Variants in HTR2B observed in about 807,000 individuals in gnomAD.
The protein encoded by HTR2B is 5-hydroxytryptamine receptor 2B, also known as 5-HT 2B receptor.
HTR2B carries 31 observed loss-of-function variants against 39.8 expected under a neutral mutation model. The observed-to-expected ratio is 0.78, with a 90% CI of 0.58 to 1.05. The LOEUF is 1.05. Ranked by LOEUF, HTR2B falls within the 50% of genes least tolerant of loss-of-function variation. The probability of loss-of-function intolerance (pLI) is 0.00; values close to 1 mark genes in which losing one functional copy is unlikely to be tolerated. For missense variants in HTR2B, 562 were observed against 578.0 expected, an observed-to-expected ratio of 0.97 and a Z score of 0.28; for synonymous variants, 210 against 207.1, an observed-to-expected ratio of 1.01 and a Z score of -0.12.
chr2:231,117,589 A>C (rs1363761943), intron 2 of HTR2B, among the ~76,000 whole-genome samples: 1 of 152,150 alleles, frequency 6.6e-6, no homozygotes, highest in Non-Finnish European at 1.5e-5. Context: ...TCAGTAGCAC[A>C]AATATTTTAT....
intron 2 of HTR2B, among the ~76,000 whole-genome samples, chr2:231,121,316 C>T (rs1163702800): frequency 6.6e-6 from 1 of 152,014 alleles, no homozygotes; most frequent in Non-Finnish European, 1.5e-5. Context: ...TCACTTGAAC[C>T]CAGGAGTTTG....
intron 3 of HTR2B, among the ~76,000 whole-genome samples, chr2:231,109,639 A>G (rs1695087726): frequency 6.6e-6 from 1 of 152,246 alleles, no homozygotes; most frequent in South Asian, 2.1e-4. Flanking sequence ...CAGATTTATA[A>G]TGAAAGCTCC....
chr2:231,123,964 A>G lies in HTR2B; in HGVS notation c.-200T>C. 2 of 575,318 alleles carry G rather than the reference A, an allele frequency of 3.5e-6. No homozygotes were observed. Among genetic ancestry groups the G allele is most frequent in the Non-Finnish European group, 6.2e-6 (2 of 322,462 alleles). 35.6% of individuals were successfully genotyped at this position (575,318 alleles called of 1,614,324 possible). On this transcript the variant is annotated 5_prime_UTR_variant, in exon 2 of 4. Coordinates refer to ENST00000258400, the MANE Select transcript of HTR2B (RefSeq NM_000867.5). ...ATCTGTCCATGTTTGTAGGTAAGAT[A>G]TCCAAGTATTTATTATTTTCTAGAG... is the stretch of plus-strand genomic sequence containing the variant.
At chr2:231,114,959 A>T (rs927517980) in intron 2 of HTR2B, among the ~76,000 whole-genome samples, 1 of 152,198 alleles carries the variant, frequency 6.6e-6, no homozygotes, top group African/African-American at 2.4e-5. Flanking sequence ...ATGTGAGATT[A>T]TCTAAGTCTC....
rs1457652676 is a variant in HTR2B at position 231,124,967 on chromosome 2, C to T, written c.-367+5G>A. Reference sequence around the variant, plus strand: ...TAATTCCATATGTGTTTATTAAATGCTTACCTCTGGTTTCGTTGTTATTTT... The same window carrying T: ...TAATTCCATATGTGTTTATTAAATGTTTACCTCTGGTTTCGTTGTTATTTT... On this transcript the variant is annotated splice_donor_5th_base_variant and intron_variant, in intron 1 of 3. Transcript: ENST00000258400. 2 of 151,914 alleles carry T rather than the reference C, an allele frequency of 1.3e-5. No homozygotes were observed. The highest frequency in any genetic ancestry group is 2.9e-5 in the Non-Finnish European group (2 of 67,986). The allele number at this position is 151,914 out of a possible 1,614,324, so 9.4% of individuals were successfully genotyped here. A position where few individuals can be genotyped will look rare whatever the true frequency, so the allele number is the denominator to read the frequency against.
intron 3 of HTR2B, among the ~76,000 whole-genome samples, chr2:231,111,030 C>G (rs1695140762): frequency 6.6e-6 from 1 of 152,202 alleles, no homozygotes. Context: ...ACTTTCTTCT[C>G]CATCTTGCTT....
chr2:231,124,286 G>A (rs1695661224), intron 1 of HTR2B, among the ~76,000 whole-genome samples, 156 bp from the exon 2 acceptor site: 1 of 152,132 alleles, frequency 6.6e-6, no homozygotes, highest in South Asian at 2.1e-4. Flanking sequence ...ATGTTGCTCA[G>A]TTAATGAAAC....
At chr2:231,115,646 A>G (rs1410000541) in intron 2 of HTR2B, among the ~76,000 whole-genome samples, 1 of 152,172 alleles carries the variant, frequency 6.6e-6, no homozygotes, top group Non-Finnish European at 1.5e-5. Flanking sequence ...AGCTGGAAGG[A>G]ACCTTAGAGA....
At chr2:231,112,160 TA>T (rs1406292291) in intron 3 of HTR2B, among the ~76,000 whole-genome samples, 1 of 152,130 alleles carries the variant, frequency 6.6e-6, no homozygotes, top group Admixed American at 6.5e-5. Context: ...AATATACACA[TA>T]CCTCACACTC....
intron 2 of HTR2B, among the ~76,000 whole-genome samples, chr2:231,118,521 A>G (rs1252030662): frequency 6.6e-6 from 1 of 152,204 alleles, no homozygotes; most frequent in East Asian, 1.9e-4. Flanking sequence ...TTTATTTTAT[A>G]TACGGTACAG....
At chr2:231,122,328 A>C (rs1023372506) in intron 2 of HTR2B, among the ~76,000 whole-genome samples, 8 of 152,130 alleles carry the variant, frequency 5.3e-5, no homozygotes, top group African/African-American at 1.9e-4. Flanking sequence ...ATAAAATTGT[A>C]ATGTGTAAAA....
chr2:231,119,950 CTT>C (rs758725665), intron 2 of HTR2B, among the ~76,000 whole-genome samples: 12 of 135,658 alleles, frequency 8.8e-5, no homozygotes, highest in East Asian at 2.1e-4. Context: ...TCCCGTGTTA[CTT>C]TTTTTTTTTT....
intron 2 of HTR2B, 32 bp downstream of exon 2, chr2:231,123,381 G>A: frequency 2.0e-6 from 3 of 1,484,064 alleles, no homozygotes; most frequent in Non-Finnish European, 2.8e-6. Flanking sequence ...TAGTTCTGTG[G>A]TTTGATGGCA....
intron 2 of HTR2B, among the ~76,000 whole-genome samples, chr2:231,115,050 G>C (rs2125216999): frequency 6.6e-6 from 1 of 152,144 alleles, no homozygotes; most frequent in Admixed American, 6.5e-5. Context: ...ATCTGACTTT[G>C]ACAGGTATAA....
chr2:231,117,922 A>G lies in HTR2B; in HGVS notation c.353-3993T>C, dbSNP rs1308355639. The stretch of plus-strand genomic sequence containing the variant: ...AGTTACATGGGGTTATTTAAGGTAT[A>G]AATGTTGGTTCTGTATGCCAAATAT... On this transcript the variant is annotated intron_variant, in intron 2 of 3. Coordinates refer to ENST00000258400, the MANE Select transcript of HTR2B (RefSeq NM_000867.5). 2.6e-5 allele frequency among the ~76,000 whole-genome samples: 4 copies of G among 152,146 alleles called. No individual in the cohort carries two copies. In the East Asian group the frequency reaches 7.7e-4, roughly 29 times the overall value.
rs1695052797 is a variant in HTR2B at position 231,108,823 on chromosome 2, G to A, written c.1140C>T (p.Tyr380=). 1.2e-6 allele frequency: 2 copies of A among 1,614,084 alleles called. No individual in the cohort carries two copies. Among genetic ancestry groups the A allele is most frequent in the Admixed American group, 1.7e-5 (1 of 60,012 alleles). Residue 380 remains tyrosine (Y), a synonymous_variant, in exon 4 of 4, where the codon TAC becomes TAT. Transcript: ENST00000258400. ...YVSSGVNPLV[Y]TLFNKTFRDA... is the part of the protein sequence containing the mutation. Reference sequence around the variant, plus strand: ...CCCGAAATGTCTTATTGAAGAGGGTGTAGACCAAAGGATTCACTCCTGAGG... The same window carrying A: ...CCCGAAATGTCTTATTGAAGAGGGTATAGACCAAAGGATTCACTCCTGAGG...
intron 3 of HTR2B, among the ~76,000 whole-genome samples, chr2:231,110,437 GAC>G (rs1168966119): frequency 1.4e-4 from 22 of 152,272 alleles, no homozygotes; most frequent in African/African-American, 4.3e-4. Flanking sequence ...TTATTAGAAA[GAC>G]AAATAATACA....
intron 2 of HTR2B, among the ~76,000 whole-genome samples, chr2:231,115,478 G>A (rs570819136): frequency 6.6e-6 from 1 of 152,078 alleles, no homozygotes; most frequent in Non-Finnish European, 1.5e-5. Context: ...ATAAATGATT[G>A]GGACTTAGTT....
intron 2 of HTR2B, among the ~76,000 whole-genome samples, chr2:231,114,307 T>C (rs936121654): frequency 6.6e-6 from 1 of 152,196 alleles, no homozygotes; most frequent in African/African-American, 2.4e-5. Flanking sequence ...AAGTAGCTGT[T>C]GTATAAAAAG....
Sources: allele counts gnomAD v4.1 joint callset (sites outside exome capture counted in the v4.1 genomes callset), GRCh38; gene constraint gnomAD v4.1.1; transcripts MANE v1.5; gene names NCBI Gene and HGNC (gene_info 2026-07-23, HGNC 2026-07-21).